LATS2: variants seen among roughly 807,000 people sequenced by gnomAD.
LATS2 encodes the protein serine/threonine-protein kinase LATS2.
In LATS2, 24 loss-of-function variants were observed where a neutral mutation model predicts 76.0. The observed-to-expected ratio is 0.32, with a 90% CI of 0.23 to 0.44. LATS2 has a LOEUF of 0.44. Among genes scored for constraint, LATS2 ranks in the 20% least tolerant of loss-of-function variants. The pLI, the probability that LATS2 is intolerant of heterozygous loss-of-function variation, is 1.00. For missense variants in LATS2, 1,286 were observed against 1,481.2 expected (o/e 0.87, Z 2.16); for synonymous variants, 692 against 635.4 (o/e 1.09, Z -1.34).
rs752338072 is a variant in LATS2, at chr13:20,988,249, G to A, written c.1531C>T (p.Arg511Trp). The stretch of plus-strand genomic sequence containing the variant: ...GGGTAGGGCGGAGGCGGGCACCTCC[G>A]GTCTGGGCCTCCGTACTCCACGTCC... Reference protein sequence around the residue: ...PLDVEYGGPDRRCPPPPYPKH... With the variant: ...PLDVEYGGPDWRCPPPPYPKH... The change falls in exon 4 of 8, where the codon CGG (arginine) becomes TGG (tryptophan). Residue 511 changes from arginine (R) to tryptophan (W), a missense_variant. Transcript: ENST00000382592. 17 of 1,601,838 alleles carry A rather than the reference G, an allele frequency of 1.1e-5. No homozygotes were observed. Among genetic ancestry groups the A allele is most frequent in the African/African-American group, 1.3e-5 (1 of 74,830 alleles).
In LATS2 at chr13:20,988,930, C is replaced by T. The variant is rs1282692724; in HGVS notation, c.850G>A (p.Gly284Arg). 4 of 1,522,424 alleles carry T rather than the reference C, an allele frequency of 2.6e-6. No individual in the cohort carries two copies. Among genetic ancestry groups the T allele is most frequent in the African/African-American group, 2.7e-5 (2 of 72,780 alleles). The allele number at this position is 1,522,424 out of a possible 1,614,324, so 94.3% of individuals were successfully genotyped here. Reference protein sequence around the residue: ...SFQSKTPPETGGYASLPTKGQ... With the variant: ...SFQSKTPPETRGYASLPTKGQ... Reference sequence around the variant, plus strand: ...TTCGTGGGCAGGCTGGCGTAACCCCCGGTCTCCGGCGGCGTCTTGCTCTGG... The same window carrying T: ...TTCGTGGGCAGGCTGGCGTAACCCCTGGTCTCCGGCGGCGTCTTGCTCTGG... The change falls in exon 4 of 8, where the codon GGG (glycine) becomes AGG (arginine). Residue 284 changes from glycine to arginine, a missense_variant. Transcript: ENST00000382592.
chr13:21,061,410 G>C lies in LATS2; in HGVS notation c.-269C>G, dbSNP rs1200235233. The C allele has an allele frequency of 1.3e-5, 2 of 152,444 alleles. No homozygotes were observed. The highest frequency in any genetic ancestry group is 2.9e-5 in the Non-Finnish European group (2 of 68,304). 9.4% of individuals were successfully genotyped at this position (152,444 alleles called of 1,614,324 possible). A position where few individuals can be genotyped will look rare whatever the true frequency, so the allele number is the denominator to read the frequency against. On this transcript the variant is annotated 5_prime_UTR_variant, in exon 1 of 8. Transcript: ENST00000382592. ...CGGCGGCTCCCGGGCCTCTCGCGCCGGGAGACCGGGCACTGGTGGCTGGAG... is the reference window on the plus strand; with the variant it reads ...CGGCGGCTCCCGGGCCTCTCGCGCCCGGAGACCGGGCACTGGTGGCTGGAG...
chr13:21,047,886 C>A (rs1212931114), intron 1 of LATS2, among the ~76,000 whole-genome samples: 3 of 152,138 alleles, frequency 2.0e-5, no homozygotes, highest in Non-Finnish European at 4.4e-5. Context: ...TAACTATCCC[C>A]TTTCTCAATG....
chr13:21,043,076 GTAATC>G (rs1175961578), intron 2 of LATS2, among the ~76,000 whole-genome samples: 1 of 152,092 alleles, frequency 6.6e-6, no homozygotes, highest in African/African-American at 2.4e-5. Context: ...ACGCACGCCT[GTAATC>G]CCAGCACCTT....
At chr13:20,997,185 C>T (rs1870795816) in intron 2 of LATS2, among the ~76,000 whole-genome samples, 1 of 152,240 alleles carries the variant, frequency 6.6e-6, no homozygotes, top group Admixed American at 6.5e-5. Context: ...TGGTTTACTG[C>T]TGCTACTGAC....
intron 3 of LATS2, 104 bp from the exon 4 acceptor site, chr13:20,989,408 G>A: frequency 8.1e-7 from 1 of 1,228,240 alleles, no homozygotes; most frequent in Non-Finnish European, 1.2e-6. Context: ...GGGGCTGAGG[G>A]TCTTGAACCC....
intron 2 of LATS2, among the ~76,000 whole-genome samples, chr13:21,019,867 G>A (rs905695876): frequency 8.6e-5 from 13 of 150,852 alleles, no homozygotes; most frequent in South Asian, 2.1e-4. Context: ...CCAGCTACTC[G>A]GGAGGCTGAG....
chr13:21,032,382 C>T (rs767473722), intron 2 of LATS2, among the ~76,000 whole-genome samples: 1 of 152,190 alleles, frequency 6.6e-6, no homozygotes, highest in Non-Finnish European at 1.5e-5. Flanking sequence ...ATTCTCCTGC[C>T]TGAGCCTCCT....
intron 2 of LATS2, among the ~76,000 whole-genome samples, chr13:20,992,543 A>G (rs1870551325): frequency 6.6e-6 from 1 of 152,176 alleles, no homozygotes; most frequent in African/African-American, 2.4e-5. Flanking sequence ...GAGGGTGAGC[A>G]GAGAGAAAAG....
In LATS2 at chr13:21,007,697, ATAGTATG is replaced by A. The variant is rs1301787214; in HGVS notation, c.343-16300_343-16294del. Among the ~76,000 whole-genome samples the A allele has an allele frequency of 3.5e-3, 3 of 846 alleles. 1 individual carries two copies. The highest frequency in any genetic ancestry group is 0.1 in the South Asian group (1 of 10). The allele number at this position is 846 out of a possible 152,430, so 0.6% of individuals were successfully genotyped here. A position where few individuals can be genotyped will look rare whatever the true frequency, so the allele number is the denominator to read the frequency against. On this transcript the variant is annotated intron_variant, in intron 2 of 7. Transcript: ENST00000382592. The stretch of plus-strand genomic sequence containing the variant: ...ATATATATATAGTATATATATATAT[ATAGTATG>A]TATATATATATATATATAGTATATA...
At chr13:21,048,534 T>G (rs1413153209) in intron 1 of LATS2, among the ~76,000 whole-genome samples, 1 of 152,148 alleles carries the variant, frequency 6.6e-6, no homozygotes, top group Non-Finnish European at 1.5e-5. Flanking sequence ...AAACATTTAT[T>G]AAATACCTAC....
intron 2 of LATS2, among the ~76,000 whole-genome samples, chr13:21,040,493 T>A (rs1156864846): frequency 6.6e-6 from 1 of 152,018 alleles, no homozygotes; most frequent in South Asian, 2.1e-4. Context: ...TAAAAAGGAA[T>A]CTGAGTGGAA....
At chr13:20,978,740 A>G (rs1869738809) in intron 7 of LATS2, among the ~76,000 whole-genome samples, 1 of 152,114 alleles carries the variant, frequency 6.6e-6, no homozygotes, top group African/African-American at 2.4e-5. Flanking sequence ...AATTATTAAA[A>G]TAGTAAACCT....
intron 2 of LATS2, among the ~76,000 whole-genome samples, chr13:21,032,520 C>A (rs972535939): frequency 6.6e-6 from 1 of 152,194 alleles, no homozygotes; most frequent in African/African-American, 2.4e-5. Context: ...CCCACCTCAG[C>A]CTCCCAAAGT....
intron 2 of LATS2, among the ~76,000 whole-genome samples, chr13:20,999,697 A>G (rs747887177): frequency 2.0e-5 from 3 of 152,126 alleles, no homozygotes; most frequent in Non-Finnish European, 4.4e-5. Context: ...AGGCCAAGCC[A>G]TCCTCCTGCC....
rs57142578 is a variant in LATS2, at chr13:21,056,150, G to C, written c.-205+5196C>G. ...GTAGAATTGGGTCTTTTTTTTTGGTGGGGGGGGCAGGGTCTCACTCTGGTT... is the reference window on the plus strand; with the variant it reads ...GTAGAATTGGGTCTTTTTTTTTGGTCGGGGGGGCAGGGTCTCACTCTGGTT... On this transcript the variant is annotated intron_variant, in intron 1 of 7. Coordinates refer to ENST00000382592, the MANE Select transcript of LATS2 (RefSeq NM_014572.3). Among the ~76,000 whole-genome samples the C allele has an allele frequency of 6.0e-3, 898 of 150,380 alleles. 9 individuals carry two copies. Among genetic ancestry groups the C allele is most frequent in the African/African-American group, 0.021 (866 of 41,222 alleles).
chr13:21,050,303 G>A (rs1873229557), intron 1 of LATS2, among the ~76,000 whole-genome samples: 1 of 151,846 alleles, frequency 6.6e-6, no homozygotes, highest in Admixed American at 6.6e-5. Context: ...TGTTCACCAA[G>A]GAACACACTC....
chr13:21,016,794 A>G (rs1306071236), intron 2 of LATS2, among the ~76,000 whole-genome samples: 14 of 152,204 alleles, frequency 9.2e-5, no homozygotes, highest in African/African-American at 2.9e-4. Context: ...TGTGAAATTC[A>G]TCAGAAAACC....
chr13:20,975,955 T>C (rs1869604224), intron 7 of LATS2, among the ~76,000 whole-genome samples: 1 of 152,208 alleles, frequency 6.6e-6, no homozygotes, highest in African/African-American at 2.4e-5. Context: ...GCTATGGCAA[T>C]GGCTTTCTGC....
Sources: gnomAD v4.1 joint callset for allele counts (sites outside exome capture counted in the v4.1 genomes callset) on GRCh38, gnomAD v4.1.1 for gene constraint, MANE v1.5 for transcripts, NCBI Gene and HGNC (gene_info 2026-07-23, HGNC 2026-07-21) for gene names.